The following CDH13 variants were observed in gnomAD, a reference collection of about 807,000 sequenced individuals.
The protein encoded by CDH13 is cadherin-13.
CDH13 carries 24 observed loss-of-function variants against 63.8 expected under a neutral mutation model. That is an observed-to-expected ratio of 0.38 (90% confidence interval 0.27 to 0.53). CDH13 has a LOEUF of 0.53. Ranked by LOEUF, CDH13 falls within the 20% of genes least tolerant of loss-of-function variation. CDH13 has a pLI of 0.85. For synonymous variants in CDH13, 503 were observed against 355.3 expected, an observed-to-expected ratio of 1.42 and a Z score of -4.67; for missense variants, 1,049 against 903.1, an observed-to-expected ratio of 1.16 and a Z score of -2.07.
chr16:83,345,677 A>G (rs1259818152), intron 6 of CDH13, among the ~76,000 whole-genome samples: 1 of 152,218 alleles, frequency 6.6e-6, no homozygotes, highest in Non-Finnish European at 1.5e-5. Flanking sequence ...AAATTAAAGT[A>G]TCCCACAGCC....
intron 5 of CDH13, among the ~76,000 whole-genome samples, chr16:83,281,293 C>G (rs993109807): frequency 2.0e-5 from 3 of 152,246 alleles, no homozygotes; most frequent in Middle Eastern, 3.2e-3. Flanking sequence ...ACCTCATGAA[C>G]CAACCTCCGT....
intron 1 of CDH13, among the ~76,000 whole-genome samples, chr16:82,793,749 C>CCCAAG (rs1364345016): frequency 6.6e-6 from 1 of 152,092 alleles, no homozygotes; most frequent in African/African-American, 2.4e-5. Context: ...CAGGGCGCTC[C>CCCAAG]CCAAGCTCTG....
At chr16:83,144,665 C>G (rs758226903) in intron 4 of CDH13, among the ~76,000 whole-genome samples, 3 of 152,212 alleles carry the variant, frequency 2.0e-5, no homozygotes, top group Non-Finnish European at 4.4e-5. Flanking sequence ...TTCAGACCAG[C>G]TATCTCTCTA....
At chr16:83,311,103 C>G (rs971296571) in intron 5 of CDH13, among the ~76,000 whole-genome samples, 2 of 152,218 alleles carry the variant, frequency 1.3e-5, no homozygotes, top group Admixed American at 6.5e-5. Flanking sequence ...CGTCTCGGTT[C>G]TGTTCTTCAA....
intron 9 of CDH13, among the ~76,000 whole-genome samples, chr16:83,671,868 G>A (rs915535250): frequency 7.2e-5 from 11 of 152,206 alleles, no homozygotes; most frequent in Admixed American, 2.6e-4. Flanking sequence ...TAGTGGGGGT[G>A]GTAGCACAGA....
chr16:83,288,082 G>A (rs1011037463), intron 5 of CDH13, among the ~76,000 whole-genome samples: 1 of 152,204 alleles, frequency 6.6e-6, no homozygotes, highest in Non-Finnish European at 1.5e-5. Context: ...TTTTTAGGTA[G>A]TGTCCATCAT....
At chr16:83,173,390 G>A (rs2038002209) in intron 4 of CDH13, among the ~76,000 whole-genome samples, 1 of 152,058 alleles carries the variant, frequency 6.6e-6, no homozygotes, top group African/African-American at 2.4e-5. Context: ...TATTATCTTA[G>A]GGAATCTCTG....
chr16:82,640,050 C>G (rs912108031), intron 1 of CDH13, among the ~76,000 whole-genome samples: 14 of 152,168 alleles, frequency 9.2e-5, no homozygotes, highest in African/African-American at 3.4e-4. Context: ...ATTGCCTGCC[C>G]CCGTGGAGTT....
At chr16:83,119,731 A>G (rs2035479268) in intron 3 of CDH13, among the ~76,000 whole-genome samples, 1 of 152,188 alleles carries the variant, frequency 6.6e-6, no homozygotes, top group African/African-American at 2.4e-5. Context: ...AGTTGTCCCG[A>G]AGCAGGGTAT....
chr16:83,408,485 C>T (rs2092080101), intron 6 of CDH13, among the ~76,000 whole-genome samples: 1 of 152,160 alleles, frequency 6.6e-6, no homozygotes, highest in African/African-American at 2.4e-5. Context: ...CTATTGAATA[C>T]TGTAAACAAT....
chr16:82,918,275 A>G (rs2042052235), intron 2 of CDH13, among the ~76,000 whole-genome samples: 1 of 152,198 alleles, frequency 6.6e-6, no homozygotes, highest in African/African-American at 2.4e-5. Context: ...GATTTAAACG[A>G]GTTCACACCT....
intron 1 of CDH13, among the ~76,000 whole-genome samples, chr16:82,817,764 C>A (rs140312224): frequency 7.6e-4 from 115 of 152,196 alleles, no homozygotes; most frequent in Non-Finnish European, 1.4e-3. Context: ...ACAGTCACAC[C>A]ACTGCACTTC....
intron 7 of CDH13, among the ~76,000 whole-genome samples, chr16:83,569,620 C>G (rs1904385076): frequency 6.6e-6 from 1 of 152,164 alleles, no homozygotes; most frequent in Non-Finnish European, 1.5e-5. Flanking sequence ...ATCTTCTTCC[C>G]AAGATAACAA....
At chr16:83,325,067 CCTT>C (rs747588692) in intron 5 of CDH13, among the ~76,000 whole-genome samples, 2 of 152,200 alleles carry the variant, frequency 1.3e-5, no homozygotes, top group Non-Finnish European at 2.9e-5. Context: ...ATCAGACAGA[CCTT>C]CTCTGAACAG....
chr16:82,667,310 C>G (rs115418271), intron 1 of CDH13, among the ~76,000 whole-genome samples: 2 of 152,140 alleles, frequency 1.3e-5, no homozygotes, highest in South Asian at 4.1e-4. Flanking sequence ...GGGATTGAGG[C>G]AGGTAAGGAG....
At chr16:82,952,204 G>T (rs1426887933) in intron 2 of CDH13, among the ~76,000 whole-genome samples, 1 of 152,198 alleles carries the variant, frequency 6.6e-6, no homozygotes, top group Non-Finnish European at 1.5e-5. Context: ...CGTGGGTGCT[G>T]CCCGAGAAGC....
chr16:82,922,840 C>T (rs574804014), intron 2 of CDH13, among the ~76,000 whole-genome samples: 17 of 152,228 alleles, frequency 1.1e-4, no homozygotes, highest in African/African-American at 4.1e-4. Flanking sequence ...TTTTGAGCTT[C>T]TGATTCCTTA....
chr16:82,795,598 G>T (rs929812990), intron 1 of CDH13, among the ~76,000 whole-genome samples: 2 of 152,136 alleles, frequency 1.3e-5, no homozygotes, highest in African/African-American at 2.4e-5. Flanking sequence ...CAAAATGAAG[G>T]TTTAAGGAGA....
chr16:83,229,853 G>A lies in CDH13; in HGVS notation c.636+12356G>A, dbSNP rs138598444. Among the ~76,000 whole-genome samples, 3 of 152,302 alleles carry A rather than the reference G, an allele frequency of 2.0e-5. No individual in the cohort carries two copies. The East Asian group carries it at 5.8e-4, about 29-fold the overall frequency. ...GTGGGACCAAACTGAGCCATGTTCA[G>A]TGTGCCAGACCAAACACTCTGAAGC... On this transcript the variant is annotated intron_variant, in intron 5 of 13. Coordinates refer to ENST00000567109, the MANE Select transcript of CDH13 (RefSeq NM_001257.5).
Sources: gnomAD v4.1 joint callset for allele counts (sites outside exome capture counted in the v4.1 genomes callset) on GRCh38, gnomAD v4.1.1 for gene constraint, MANE v1.5 for transcripts, NCBI Gene and HGNC (gene_info 2026-07-23, HGNC 2026-07-21) for gene names.